FRMD6: variants seen among roughly 807,000 people sequenced by gnomAD.
FRMD6 encodes the protein FERM domain containing 6.
In FRMD6, 37 loss-of-function variants were observed where a neutral mutation model predicts 73.2. That is an observed-to-expected ratio of 0.51 (90% CI 0.39 to 0.66). FRMD6 has a LOEUF of 0.66. FRMD6 is among the 30% of genes least tolerant of loss of function. FRMD6 has a pLI of 0.00. For missense variants in FRMD6, 714 were observed against 780.5 expected (o/e 0.91, Z 1.02); for synonymous variants, 273 against 282.2 (o/e 0.97, Z 0.33).
At chr14:51,663,337 A>G (rs1893360431) in intron 1 of FRMD6, among the ~76,000 whole-genome samples, 1 of 152,236 alleles carries the variant, frequency 6.6e-6, no homozygotes, top group Admixed American at 6.5e-5. Flanking sequence ...TACACTATTC[A>G]CAATAGCAAA....
chr14:51,662,497 C>T (rs1893286782), intron 1 of FRMD6, among the ~76,000 whole-genome samples: 1 of 152,176 alleles, frequency 6.6e-6, no homozygotes, highest in Non-Finnish European at 1.5e-5. Flanking sequence ...TAAGGCCACA[C>T]ACCTGCAGCT....
chr14:51,691,709 C>T (rs1895591511), intron 2 of FRMD6, among the ~76,000 whole-genome samples: 1 of 150,140 alleles, frequency 6.7e-6, no homozygotes. Context: ...ATTCTCCTGC[C>T]TCAGCCTCCC....
chr14:51,655,169 C>A (rs1267090732), intron 1 of FRMD6, among the ~76,000 whole-genome samples: 1 of 152,106 alleles, frequency 6.6e-6, no homozygotes, highest in Non-Finnish European at 1.5e-5. Context: ...TCCTCCCCAC[C>A]CCCAACGAGG....
At chr14:51,439,438 C>T in the FRMD6 span, among the ~76,000 whole-genome samples, 1 of 152,008 alleles carries the variant, frequency 6.6e-6, no homozygotes, top group African/African-American at 2.4e-5. Flanking sequence ...ATGCAAGGCT[C>T]TTTGCTTTAT....
chr14:51,616,468 T>C (rs1890717970), intron 2 of FRMD6, among the ~76,000 whole-genome samples: 1 of 152,168 alleles, frequency 6.6e-6, no homozygotes, highest in African/African-American at 2.4e-5. Context: ...GAGCTGAAGA[T>C]AAGCCACACA....
At chr14:51,617,422 G>A (rs898668968) in intron 2 of FRMD6, among the ~76,000 whole-genome samples, 2 of 152,204 alleles carry the variant, frequency 1.3e-5, no homozygotes, top group Non-Finnish European at 1.5e-5. Context: ...TCCAGATGCA[G>A]TGTTGCTCAT....
intron 2 of FRMD6, among the ~76,000 whole-genome samples, chr14:51,639,857 A>G (rs1891742033): frequency 6.6e-6 from 1 of 152,246 alleles, no homozygotes; most frequent in South Asian, 2.1e-4. Flanking sequence ...AGAGCAAGCT[A>G]TGAATGGGAA....
intron 2 of FRMD6, among the ~76,000 whole-genome samples, chr14:51,602,393 A>G (rs1432752890): frequency 6.6e-6 from 1 of 152,218 alleles, no homozygotes; most frequent in East Asian, 1.9e-4. Context: ...GATGATTTGG[A>G]GCAAGAAAGG....
chr14:51,565,748 G>A (rs536699637), intron 1 of FRMD6, among the ~76,000 whole-genome samples: 17 of 152,248 alleles, frequency 1.1e-4, no homozygotes, highest in African/African-American at 4.1e-4. Flanking sequence ...TCTAGAGGTG[G>A]CGAGGCCTTA....
At chr14:51,701,278 C>CT (rs1896291608) in intron 4 of FRMD6, 119 bp downstream of exon 4, 2 of 419,928 alleles carry the variant, frequency 4.8e-6, no homozygotes, top group African/African-American at 4.2e-5. Flanking sequence ...ATATTTTCTA[C>CT]TTTATCTACT....
At chr14:51,574,625 G>A (rs1478264886) in intron 2 of FRMD6, among the ~76,000 whole-genome samples, 1 of 152,018 alleles carries the variant, frequency 6.6e-6, no homozygotes, top group Non-Finnish European at 1.5e-5. Context: ...TAAAACAATT[G>A]AACTCATGGG....
At chr14:51,611,346 T>C (rs1238491352) in intron 2 of FRMD6, among the ~76,000 whole-genome samples, 1 of 152,184 alleles carries the variant, frequency 6.6e-6, no homozygotes, top group Non-Finnish European at 1.5e-5. Context: ...TGCATAAACA[T>C]CATCTAATCA....
At chr14:51,413,113 C>T in the FRMD6 span, among the ~76,000 whole-genome samples, 5 of 151,394 alleles carry the variant, frequency 3.3e-5, no homozygotes, top group African/African-American at 9.7e-5. Context: ...GGCTCAGCCT[C>T]CCGAGTAGCA....
chr14:51,559,259 A>G (rs949994792), intron 1 of FRMD6, among the ~76,000 whole-genome samples: 3 of 152,206 alleles, frequency 2.0e-5, no homozygotes, highest in Admixed American at 2.0e-4. Flanking sequence ...GGAAAATGTT[A>G]TTTATTCCAT....
chr14:51,410,286 G>A, the FRMD6 span, among the ~76,000 whole-genome samples: 2 of 152,092 alleles, frequency 1.3e-5, no homozygotes, highest in Non-Finnish European at 2.9e-5. Flanking sequence ...GTATCTATAG[G>A]TTATTTAGTC....
the FRMD6 span, among the ~76,000 whole-genome samples, chr14:51,450,645 A>C: frequency 6.6e-6 from 1 of 152,172 alleles, no homozygotes; most frequent in Non-Finnish European, 1.5e-5. Flanking sequence ...TTTTCTCAAG[A>C]GAATCTAGAA....
At chr14:51,493,366 G>A (rs1175804872) in intron 1 of FRMD6, among the ~76,000 whole-genome samples, 1 of 152,104 alleles carries the variant, frequency 6.6e-6, no homozygotes, top group Non-Finnish European at 1.5e-5. Context: ...CATAATACAT[G>A]TCGTAGGAGG....
At chr14:51,690,201 G>A (rs994094145) in intron 2 of FRMD6, among the ~76,000 whole-genome samples, 9 of 152,080 alleles carry the variant, frequency 5.9e-5, no homozygotes, top group African/African-American at 1.9e-4. Flanking sequence ...TTAAACTTTT[G>A]ATCGAAATAT....
intron 3 of FRMD6, 35 bp from the exon 4 acceptor site, chr14:51,701,021 C>A: frequency 9.5e-7 from 1 of 1,056,070 alleles, no homozygotes; most frequent in Non-Finnish European, 1.3e-6. Context: ...AAAATCCTTT[C>A]TTTAGCATGT....
Sources: allele counts gnomAD v4.1 joint callset (sites outside exome capture counted in the v4.1 genomes callset), GRCh38; gene constraint gnomAD v4.1.1; transcripts MANE v1.5; gene names NCBI Gene and HGNC (gene_info 2026-07-23, HGNC 2026-07-21).